The following PDGFA variants were observed in gnomAD, a reference collection of about 807,000 sequenced individuals.
PDGFA encodes the protein platelet-derived growth factor subunit A.
In PDGFA, 9 loss-of-function variants were observed where a neutral mutation model predicts 25.6. The ratio of observed to expected loss-of-function variants is 0.35; its 90% confidence interval spans 0.21 to 0.61. The LOEUF (loss-of-function observed/expected upper bound fraction) is 0.61, where lower values mean the gene tolerates loss of function less well. Ranked by LOEUF, PDGFA falls within the 20% of genes least tolerant of loss-of-function variation. PDGFA has a pLI of 0.75. For missense variants in PDGFA, 242 were observed against 272.8 expected, an observed-to-expected ratio of 0.89 and a Z score of 0.79; for synonymous variants, 133 against 111.8, an observed-to-expected ratio of 1.19 and a Z score of -1.20.
intron 4 of PDGFA, among the ~76,000 whole-genome samples, chr7:505,894 C>T (rs1782540601): frequency 6.6e-6 from 1 of 152,212 alleles, no homozygotes; most frequent in East Asian, 1.9e-4. Context: ...AGGACCCCAG[C>T]TGGGTGCGGT....
intron 4 of PDGFA, among the ~76,000 whole-genome samples, chr7:508,170 C>T (rs1782647397): frequency 2.6e-5 from 4 of 152,192 alleles, no homozygotes; most frequent in Admixed American, 2.6e-4. Flanking sequence ...CCCGCCGCCC[C>T]ATCTCCCTCC....
chr7:518,746 C>G (rs62433351), intron 1 of PDGFA, among the ~76,000 whole-genome samples, 193 bp downstream of exon 1: 91,215 of 152,132 alleles, frequency 0.6, 29,354 homozygotes, highest in Middle Eastern at 0.72. Context: ...GGCAGAGCGA[C>G]CGACGCAACA....
intron 4 of PDGFA, among the ~76,000 whole-genome samples, chr7:503,357 C>T (rs1030115475): frequency 6.6e-6 from 1 of 152,194 alleles, no homozygotes; most frequent in Non-Finnish European, 1.5e-5. Context: ...CACTTCACCC[C>T]TCACGGTTCA....
intron 4 of PDGFA, among the ~76,000 whole-genome samples, chr7:503,663 C>A (rs1376186761): frequency 6.6e-6 from 1 of 152,174 alleles, no homozygotes; most frequent in African/African-American, 2.4e-5. Context: ...GAAGGTAAGC[C>A]GGTCCCTAAG....
intron 4 of PDGFA, among the ~76,000 whole-genome samples, chr7:507,430 C>A (rs554777025): frequency 1.3e-5 from 2 of 152,330 alleles, no homozygotes; most frequent in South Asian, 4.1e-4. Flanking sequence ...CCCTCACCCC[C>A]AACACTGCAC....
intron 1 of PDGFA, among the ~76,000 whole-genome samples, chr7:518,010 C>A (rs1343743687): frequency 6.6e-6 from 1 of 152,096 alleles, no homozygotes; most frequent in Non-Finnish European, 1.5e-5. Context: ...CGCACGCGCG[C>A]GCAGACACAC....
intron 3 of PDGFA, among the ~76,000 whole-genome samples, chr7:511,955 G>T (rs948698844): frequency 1.3e-5 from 2 of 152,218 alleles, no homozygotes; most frequent in Non-Finnish European, 2.9e-5. Flanking sequence ...AGCAGCCGGC[G>T]CAGGAGCACG....
chr7:497,775 T>C (rs1782109360), exon 6 of PDGFA: 1 of 150,426 alleles, frequency 6.6e-6, no homozygotes, highest in Admixed American at 6.7e-5. Context: ...TACATCTCAT[T>C]AGTTTGCATC....
intron 1 of PDGFA, among the ~76,000 whole-genome samples, chr7:518,702 A>G (rs1273305707): frequency 1.3e-5 from 2 of 149,780 alleles, no homozygotes; most frequent in Non-Finnish European, 3.0e-5. Flanking sequence ...GTTTCTGCCC[A>G]CTCGTCCACC....
chr7:507,380 GCA>G (rs1715860030), intron 4 of PDGFA, among the ~76,000 whole-genome samples: 2 of 152,210 alleles, frequency 1.3e-5, no homozygotes, highest in Admixed American at 6.5e-5. Context: ...CTCTACCACT[GCA>G]CAGAGCAAAG....
At chr7:498,611 C>G (rs750394041) in intron 5 of PDGFA, 37 bp from the exon 6 acceptor site, 1 of 1,606,454 alleles carries the variant, frequency 6.2e-7, no homozygotes, top group African/African-American at 1.3e-5. Flanking sequence ...CTGAGACCAC[C>G]GACCAAGTGA....
At chr7:505,347 T>C (rs113510314) in intron 4 of PDGFA, among the ~76,000 whole-genome samples, 34,043 of 152,046 alleles carry the variant, frequency 0.22, 4,440 homozygotes, top group Non-Finnish European at 0.3. Context: ...CACGGCTGAG[T>C]TCATCTGCGT....
At chr7:503,134 A>C (rs956430588) in intron 4 of PDGFA, among the ~76,000 whole-genome samples, 4 of 152,108 alleles carry the variant, frequency 2.6e-5, no homozygotes, top group African/African-American at 4.8e-5. Context: ...TTTACAGAAC[A>C]AACTGAGGCG....
At chr7:518,607 C>G (rs1241085662) in intron 1 of PDGFA, 1 of 308,302 alleles carries the variant, frequency 3.2e-6, no homozygotes, top group African/African-American at 2.2e-5. Context: ...ACACACACCC[C>G]CTTCCCCGCT....
chr7:501,659 G>GTGAT (rs2128390959), intron 4 of PDGFA, among the ~76,000 whole-genome samples: 1 of 152,298 alleles, frequency 6.6e-6, no homozygotes, highest in South Asian at 2.1e-4. Context: ...CTGGACTCAA[G>GTGAT]TGATCCTCCT....
At chr7:513,717 G>A (rs573499867) in intron 2 of PDGFA, among the ~76,000 whole-genome samples, 19 of 152,088 alleles carry the variant, frequency 1.2e-4, no homozygotes, top group Non-Finnish European at 2.6e-4. Flanking sequence ...CCAGCCCATC[G>A]AGGCATCCGT....
At chr7:510,771 G>GA in intron 4 of PDGFA, 38 bp downstream of exon 4, 1 of 421,150 alleles carries the variant, frequency 2.4e-6, no homozygotes, top group Non-Finnish European at 4.0e-6. Context: ...GAGGAGAGGA[G>GA]GGGAGGGGAG....
At chr7:518,624 A>ATT (rs1783216533) in intron 1 of PDGFA, 1 of 310,726 alleles carries the variant, frequency 3.2e-6, no homozygotes, top group African/African-American at 2.4e-5. Context: ...CGCTCCCCGC[A>ATT]CCCCGCTGCT....
chr7:502,813 A>ACACACACAC (rs1782407747), intron 4 of PDGFA, among the ~76,000 whole-genome samples: 1 of 99,754 alleles, frequency 1.0e-5, no homozygotes, highest in Non-Finnish European at 2.5e-5. Flanking sequence ...CACACACATA[A>ACACACACAC]TGCACATATA....
Sources: allele counts gnomAD v4.1 joint callset (sites outside exome capture counted in the v4.1 genomes callset), GRCh38; gene constraint gnomAD v4.1.1; transcripts MANE v1.5; gene names NCBI Gene and HGNC (gene_info 2026-07-23, HGNC 2026-07-21).